The following PIEZO2 variants were observed in gnomAD, a reference collection of about 807,000 sequenced individuals.
The protein encoded by PIEZO2 is piezo-type mechanosensitive ion channel component 2.
PIEZO2 carries 172 observed loss-of-function variants against 337.3 expected under a neutral mutation model. The ratio of observed to expected loss-of-function variants is 0.51; its 90% CI spans 0.45 to 0.58. The LOEUF is 0.58. PIEZO2 is among the 20% of genes least tolerant of loss of function. The pLI, the probability that PIEZO2 is intolerant of heterozygous loss-of-function variation, is 0.00. For missense variants in PIEZO2, 3,028 were observed against 3,391.3 expected (o/e 0.89, Z 2.66); for synonymous variants, 1,251 against 1,228.5 (o/e 1.02, Z -0.38).
In PIEZO2 at chr18:11,129,685, C is replaced by A. The variant is rs1056726631; in HGVS notation, c.64+18840G>T. ...GCAGTGAATCTTTCTCCCATTCTTC[C>A]CCAAGGAGACCTCCAGACTTTTACC... On this transcript the variant is annotated intron_variant, in intron 1 of 55. Transcript: ENST00000674853. The surrounding 1 kb of genome is among the most constrained non-coding windows in gnomAD (Gnocchi z 4.6). Among the ~76,000 whole-genome samples the A allele has an allele frequency of 5.3e-5, 8 of 152,118 alleles. No homozygotes were observed. Among genetic ancestry groups the A allele is most frequent in the Non-Finnish European group, 1.2e-4 (8 of 68,036 alleles).
At chr18:10,898,356 G>A (rs2042958042) in intron 4 of PIEZO2, among the ~76,000 whole-genome samples, 1 of 152,146 alleles carries the variant, frequency 6.6e-6, no homozygotes, top group South Asian at 2.1e-4. Flanking sequence ...AGGAGGCAGA[G>A]CTTGCAGTGA....
chr18:10,689,587 T>G (rs1427558813), intron 49 of PIEZO2, 68 bp downstream of exon 49: 1 of 1,603,922 alleles, frequency 6.2e-7, no homozygotes, highest in Non-Finnish European at 8.5e-7. Context: ...GAAGTTCACA[T>G]TCATCTTATA....
intron 4 of PIEZO2, among the ~76,000 whole-genome samples, chr18:10,907,378 G>A (rs984113194): frequency 1.3e-5 from 2 of 151,876 alleles, no homozygotes; most frequent in Non-Finnish European, 2.9e-5. Context: ...GGGAAGCAGA[G>A]GTTGCAGTGA....
intron 39 of PIEZO2, chr18:10,709,338 G>A (rs1267252266): frequency 1.3e-5 from 2 of 152,258 alleles, no homozygotes; most frequent in East Asian, 3.9e-4. Context: ...ACAGAGGTGT[G>A]ACACACGCAT....
rs936451105 is a variant in PIEZO2, at chr18:10,837,701, A to C, written c.917+17652T>G. ...AAGGCATGGGTAGTCAGATATCCTCACAAAGCAATGTTTGTGTTCCCAACC... is the reference window on the plus strand; with the variant it reads ...AAGGCATGGGTAGTCAGATATCCTCCCAAAGCAATGTTTGTGTTCCCAACC... On this transcript the variant is annotated intron_variant, in intron 7 of 55. Transcript: ENST00000674853. This position sits in a 1 kb window ranked among gnomAD's most constrained non-coding sequence, Gnocchi z 4.4. 2.0e-5 allele frequency among the ~76,000 whole-genome samples: 3 copies of C among 152,172 alleles called. No homozygotes were observed. The highest frequency in any genetic ancestry group is 4.4e-5 in the Non-Finnish European group (3 of 68,028).
At position 11,026,479 on chromosome 18, in the gene PIEZO2, G is replaced by A. The variant is rs191791391; in HGVS notation, c.160+39648C>T. Among the ~76,000 whole-genome samples the A allele has an allele frequency of 1.1e-3, 165 of 152,118 alleles. 1 individual carries two copies. The highest frequency in any genetic ancestry group is 3.7e-3 in the African/African-American group (153 of 41,486). ...CCACCTACACCCTCTTCTCATCCAC[G>A]TCTCCACCACCTGTAACTCCTTGTC... On this transcript the variant is annotated intron_variant, in intron 2 of 55. Transcript: ENST00000674853.
chr18:11,042,525 A>G (rs750903004), intron 2 of PIEZO2, among the ~76,000 whole-genome samples: 5 of 152,246 alleles, frequency 3.3e-5, no homozygotes, highest in Non-Finnish European at 5.9e-5. Context: ...CTGCAAAACA[A>G]TGATGCCCTG....
At chr18:11,090,063 G>A (rs1223886538) in intron 1 of PIEZO2, among the ~76,000 whole-genome samples, 2 of 152,208 alleles carry the variant, frequency 1.3e-5, no homozygotes, top group Non-Finnish European at 2.9e-5. Flanking sequence ...AGGGAGAGCA[G>A]GAAGCCTGAC....
Position 10,794,440 on chromosome 18 carries a change from C to T in PIEZO2, c.1758+332G>A, listed in dbSNP as rs893158267. Among the ~76,000 whole-genome samples, 2 of 152,066 alleles carry T rather than the reference C, an allele frequency of 1.3e-5. No homozygotes were observed. Among genetic ancestry groups the T allele is most frequent in the African/African-American group, 4.8e-5 (2 of 41,388 alleles). On this transcript the variant is annotated intron_variant, in intron 13 of 55. Transcript: ENST00000674853. The surrounding 1 kb of genome is among the most constrained non-coding windows in gnomAD (Gnocchi z 6.6). ...GATAATCAAAGACAGTCCTATAATC[C>T]CTTAACACATTTTGCACTGTATTTT...
At chr18:10,998,397 G>C (rs2035408816) in intron 2 of PIEZO2, among the ~76,000 whole-genome samples, 1 of 151,520 alleles carries the variant, frequency 6.6e-6, no homozygotes, top group South Asian at 2.1e-4. Flanking sequence ...TTACAGTCTT[G>C]CTCCAGTTAA....
intron 24 of PIEZO2, among the ~76,000 whole-genome samples, chr18:10,760,228 T>C (rs1006162850): frequency 1.3e-5 from 2 of 152,214 alleles, no homozygotes; most frequent in Non-Finnish European, 2.9e-5. Context: ...ACTATCACAA[T>C]CGTTTTAGGT....
intron 49 of PIEZO2, among the ~76,000 whole-genome samples, chr18:10,684,909 C>T (rs184824409): frequency 7.3e-5 from 10 of 137,368 alleles, no homozygotes; most frequent in Admixed American, 3.5e-4. Context: ...GCTCTGCTAC[C>T]CAGACCAGAG....
chr18:11,107,978 G>GA (rs1218498424), intron 1 of PIEZO2, among the ~76,000 whole-genome samples: 1 of 152,154 alleles, frequency 6.6e-6, no homozygotes, highest in Admixed American at 6.5e-5. Flanking sequence ...AGAGTTGGGA[G>GA]AAAATCAAAG....
chr18:10,988,793 A>G lies in PIEZO2; in HGVS notation c.161-9133T>C, dbSNP rs1306491525. 6.6e-6 allele frequency among the ~76,000 whole-genome samples: 1 copy of G among 152,202 alleles called. No individual in the cohort carries two copies. ...GCCATTTGCAACAATATGACTAGAC[A>G]TGGAGGGAGGGCATTACGTTAAGTG... On this transcript the variant is annotated intron_variant, in intron 2 of 55. Transcript: ENST00000674853. This position sits in a 1 kb window ranked among gnomAD's most constrained non-coding sequence, Gnocchi z 4.8.
At position 11,097,114 on chromosome 18, in the gene PIEZO2, T is replaced by C. The variant is rs1274532589; in HGVS notation, c.65-30892A>G. On this transcript the variant is annotated intron_variant, in intron 1 of 55. Coordinates refer to ENST00000674853, the MANE Select transcript of PIEZO2 (RefSeq NM_001378183.1). This position sits in a 1 kb window ranked among gnomAD's most constrained non-coding sequence, Gnocchi z 5.0. ...TCATCCTCTCCTTGGAAATTGTCCC[T>C]GCTCCATTTTCGGCAAACAGGTGTC... Among the ~76,000 whole-genome samples, 1 of 152,210 alleles carries C rather than the reference T, an allele frequency of 6.6e-6. No individual in the cohort carries two copies. Among genetic ancestry groups the C allele is most frequent in the African/African-American group, 2.4e-5 (1 of 41,446 alleles).
chr18:10,809,273 T>C (rs1343552475), intron 7 of PIEZO2, among the ~76,000 whole-genome samples: 5 of 131,328 alleles, frequency 3.8e-5, no homozygotes, highest in African/African-American at 1.2e-4. Context: ...TTTTTTTTTT[T>C]TTTTTTTTTT....
intron 3 of PIEZO2, among the ~76,000 whole-genome samples, chr18:10,955,191 A>C (rs2033464688): frequency 6.6e-6 from 1 of 152,224 alleles, no homozygotes; most frequent in Non-Finnish European, 1.5e-5. Context: ...TTAAACAGAA[A>C]GAGTTTCTAA....
intron 4 of PIEZO2, among the ~76,000 whole-genome samples, chr18:10,906,011 G>T (rs182982854): frequency 3.3e-4 from 51 of 152,240 alleles, no homozygotes; most frequent in Non-Finnish European, 6.0e-4. Context: ...CTTGGGAGGT[G>T]GTTGGAAATT....
rs376013900 is a variant in PIEZO2, at chr18:11,045,522, C to T, written c.160+20605G>A. Among the ~76,000 whole-genome samples, 49 of 152,060 alleles carry T rather than the reference C, an allele frequency of 3.2e-4. 1 individual carries two copies. The South Asian group carries it at 6.2e-3, about 19-fold the overall frequency. On this transcript the variant is annotated intron_variant, in intron 2 of 55. Coordinates refer to ENST00000674853, the MANE Select transcript of PIEZO2 (RefSeq NM_001378183.1). ...CCATTTTAAACCGTGAAATCACACA[C>T]GAAATATAAAAAATGTGGCATCAAA...
Sources: gnomAD v4.1 joint callset for allele counts (sites outside exome capture counted in the v4.1 genomes callset) on GRCh38, gnomAD v4.1.1 for gene constraint, Gnocchi (gnomAD v3.1) non-coding constraint, MANE v1.5 for transcripts, NCBI Gene and HGNC (gene_info 2026-07-23, HGNC 2026-07-21) for gene names.